Variants in PLCL2 observed in about 807,000 individuals in gnomAD.
The protein encoded by PLCL2 is phospholipase C like 2, also known as inactive phospholipase C-like protein 2.
PLCL2 carries 4 observed loss-of-function variants against 79.6 expected under a neutral mutation model. The ratio of observed to expected loss-of-function variants is 0.05; its 90% CI spans 0.02 to 0.11. PLCL2 has a LOEUF of 0.11. PLCL2 is among the 10% of genes least tolerant of loss of function. PLCL2 has a pLI of 1.00. For missense variants in PLCL2, 895 were observed against 1,291.0 expected (o/e 0.69, Z 4.70); for synonymous variants, 484 against 457.7 (o/e 1.06, Z -0.73).
intron 5 of PLCL2, among the ~76,000 whole-genome samples, chr3:17,087,332 G>C (rs915033382): frequency 2.0e-5 from 3 of 152,190 alleles, no homozygotes; most frequent in Non-Finnish European, 4.4e-5. Context: ...GCACTAAAAA[G>C]ATATGAGCTA....
chr3:17,034,676 T>A (rs1028918356), intron 3 of PLCL2, among the ~76,000 whole-genome samples: 1 of 152,234 alleles, frequency 6.6e-6, no homozygotes. Flanking sequence ...AGTGTTTTGA[T>A]CTTTATTGAG....
In PLCL2 at chr3:17,077,586, C is replaced by T. The variant is rs989102148; in HGVS notation, c.3204+9521C>T. 7.2e-5 allele frequency among the ~76,000 whole-genome samples: 11 copies of T among 152,206 alleles called. 1 individual carries two copies. The highest frequency in any genetic ancestry group is 2.6e-4 in the Admixed American group (4 of 15,288). ...TCAAGACTTCCTCTACCTTTATTTT[C>T]CAGTTACCAAAATATTCACTGTACT... On this transcript the variant is annotated intron_variant, in intron 5 of 5. Transcript: ENST00000615277.
intron 1 of PLCL2, among the ~76,000 whole-genome samples, chr3:16,997,783 C>G (rs2064168783): frequency 6.6e-6 from 1 of 152,202 alleles, no homozygotes; most frequent in Non-Finnish European, 1.5e-5. Flanking sequence ...CATGATCCAC[C>G]TGCCTCGGCC....
chr3:16,918,040 C>T (rs9882937), intron 1 of PLCL2, among the ~76,000 whole-genome samples: 51,187 of 151,958 alleles, frequency 0.34, 8,901 homozygotes, highest in East Asian at 0.54. Context: ...ACGTGAATAT[C>T]CCCCTTTTTA....
chr3:17,069,406 A>G (rs974431804), intron 5 of PLCL2, among the ~76,000 whole-genome samples: 1 of 152,188 alleles, frequency 6.6e-6, no homozygotes, highest in African/African-American at 2.4e-5. Context: ...ATGAAATTTC[A>G]GAGAGGAGAT....
At chr3:17,042,820 A>T in intron 3 of PLCL2, 54 bp from the exon 4 acceptor site, 1 of 1,227,976 alleles carries the variant, frequency 8.1e-7, no homozygotes. Context: ...GCATGAATGC[A>T]GGAGGGGATC....
chr3:16,979,625 C>G (rs1042327938), intron 1 of PLCL2, among the ~76,000 whole-genome samples: 3 of 136,648 alleles, frequency 2.2e-5, no homozygotes, highest in African/African-American at 5.6e-5. Flanking sequence ...GTGGATACAG[C>G]ACATGTTTCA....
chr3:16,958,608 C>T (rs963750793), intron 1 of PLCL2, among the ~76,000 whole-genome samples: 1 of 152,110 alleles, frequency 6.6e-6, no homozygotes, highest in African/African-American at 2.4e-5. Flanking sequence ...AACTAATGGA[C>T]CAATTTAATG....
chr3:16,964,081 G>C (rs1325432118), intron 1 of PLCL2, among the ~76,000 whole-genome samples: 2 of 151,812 alleles, frequency 1.3e-5, no homozygotes, highest in Non-Finnish European at 2.9e-5. Context: ...GTGCAGGTTT[G>C]TTACATATGT....
intron 1 of PLCL2, among the ~76,000 whole-genome samples, chr3:16,957,472 G>A (rs1236992028): frequency 2.0e-5 from 3 of 152,148 alleles, no homozygotes; most frequent in African/African-American, 7.2e-5. Context: ...TTTGGAATAG[G>A]TGTGGTGTGG....
At chr3:17,086,580 G>C (rs1358368646) in intron 5 of PLCL2, among the ~76,000 whole-genome samples, 1 of 152,228 alleles carries the variant, frequency 6.6e-6, no homozygotes, top group Non-Finnish European at 1.5e-5. Context: ...GAATGGGTAA[G>C]TTGGACTTCC....
rs2065045770 is a variant in PLCL2, at chr3:17,069,815, G to A, written c.3204+1750G>A. On this transcript the variant is annotated intron_variant, in intron 5 of 5. Coordinates refer to ENST00000615277, the MANE Select transcript of PLCL2 (RefSeq NM_001144382.2). ...TAAGATCATTTTCTTGACTTCTTCA[G>A]ACATTTCCCTTTTCACATATGTACT... is the stretch of plus-strand genomic sequence containing the variant. Among the ~76,000 whole-genome samples the A allele has an allele frequency of 2.6e-5, 4 of 152,126 alleles. No individual in the cohort carries two copies. In the South Asian group the frequency reaches 8.3e-4, roughly 32 times the overall value.
Position 17,009,982 on chromosome 3 carries a change from A to G in PLCL2, c.636A>G (p.Ile212Met). Residue 212 changes from isoleucine (I) to methionine (M), a missense_variant, in exon 2 of 6, where the codon ATA becomes ATG. Around this residue, in one of 6 missense-constraint regions of PLCL2, gnomAD observed 129 missense variants for 208.8 expected, o/e 0.62. Coordinates refer to ENST00000615277, the MANE Select transcript of PLCL2 (RefSeq NM_001144382.2). The surrounding 1 kb of genome is among the most constrained non-coding windows in gnomAD (Gnocchi z 4.0). ...IFRSNGISDQ[I>M]SEDCAFSVIY... The stretch of plus-strand genomic sequence containing the variant: ...GCAGCAATGGCATTTCTGACCAGAT[A>G]TCTGAAGATTGTGCGTTTTCCGTCA... 6.2e-7 allele frequency: 1 copy of G among 1,614,154 alleles called. No homozygotes were observed. Among genetic ancestry groups the G allele is most frequent in the Non-Finnish European group, 8.5e-7 (1 of 1,179,986 alleles).
intron 1 of PLCL2, among the ~76,000 whole-genome samples, chr3:16,899,420 T>C (rs1696566467): frequency 1.3e-5 from 2 of 152,180 alleles, no homozygotes; most frequent in Non-Finnish European, 1.5e-5. Flanking sequence ...GTACAGAGGC[T>C]GAATTCCCTG....
intron 1 of PLCL2, among the ~76,000 whole-genome samples, chr3:16,920,018 A>G (rs1697086605): frequency 6.6e-6 from 1 of 152,140 alleles, no homozygotes; most frequent in Non-Finnish European, 1.5e-5. Context: ...GTCAACCCCA[A>G]TTTTATTTTC....
intron 3 of PLCL2, among the ~76,000 whole-genome samples, chr3:17,033,541 G>C (rs1405703832): frequency 6.6e-6 from 1 of 152,138 alleles, no homozygotes; most frequent in East Asian, 1.9e-4. Context: ...GTAACAATTT[G>C]AGCATACCAA....
rs9857245 is a variant in PLCL2 at position 16,971,412 on chromosome 3, A to G, written c.328-38262A>G. Among the ~76,000 whole-genome samples, 342 of 152,210 alleles carry G rather than the reference A, an allele frequency of 2.2e-3. 2 individuals carry two copies. The highest frequency in any genetic ancestry group is 7.7e-3 in the African/African-American group (320 of 41,524). Reference sequence around the variant, plus strand: ...ATTTCTGAGGGCTCTGTTCTGTTCCATTGATCTGTATCTCTGTTTTGGTAC... The same window carrying G: ...ATTTCTGAGGGCTCTGTTCTGTTCCGTTGATCTGTATCTCTGTTTTGGTAC... On this transcript the variant is annotated intron_variant, in intron 1 of 5. Transcript: ENST00000615277.
At chr3:17,016,134 G>A (rs979751852) in intron 3 of PLCL2, among the ~76,000 whole-genome samples, 35 of 152,174 alleles carry the variant, frequency 2.3e-4, no homozygotes, top group Non-Finnish European at 4.0e-4. Context: ...TAGTGATAGA[G>A]TATTTCCAGT....
At chr3:16,958,381 C>G (rs1421015109) in intron 1 of PLCL2, among the ~76,000 whole-genome samples, 2 of 152,132 alleles carry the variant, frequency 1.3e-5, no homozygotes, top group Non-Finnish European at 2.9e-5. Flanking sequence ...CATGTTTCCT[C>G]ATTTTATTTC....
Sources: gnomAD v4.1 joint callset for allele counts (sites outside exome capture counted in the v4.1 genomes callset) on GRCh38, gnomAD v4.1.1 for gene constraint, gnomAD v4.1.1 regional missense constraint, Gnocchi (gnomAD v3.1) non-coding constraint, MANE v1.5 for transcripts, NCBI Gene and HGNC (gene_info 2026-07-23, HGNC 2026-07-21) for gene names.